TMEM272: variants seen among roughly 807,000 people sequenced by gnomAD.
TMEM272 encodes long intergenic non-protein coding RNA 282.
In TMEM272, 8 loss-of-function variants were observed where a neutral mutation model predicts 3.7. That is an observed-to-expected ratio of 2.17 (90% CI 1.27 to 3.91). The LOEUF is 3.91. TMEM272 is among the 30% of genes most tolerant of loss of function. The pLI is 0.00. For synonymous variants in TMEM272, 63 were observed against 39.8 expected (o/e 1.58, Z -2.20); for missense variants, 166 against 91.5 (o/e 1.81, Z -3.32).
At chr13:51,883,548 G>A in the TMEM272 span, among the ~76,000 whole-genome samples, 2 of 152,222 alleles carry the variant, frequency 1.3e-5, no homozygotes, top group South Asian at 4.1e-4. Context: ...AGTGCATGCT[G>A]ATTGGTCCAT....
the TMEM272 span, among the ~76,000 whole-genome samples, chr13:51,883,865 T>C: frequency 6.6e-6 from 1 of 152,266 alleles, no homozygotes; most frequent in East Asian, 1.9e-4. Context: ...TCCATCCATG[T>C]AAAGCTCTGC....
At chr13:51,830,318 C>G (rs1309615319) in intron 2 of TMEM272, among the ~76,000 whole-genome samples, 1 of 152,192 alleles carries the variant, frequency 6.6e-6, no homozygotes, top group Non-Finnish European at 1.5e-5. Flanking sequence ...AGAGAGATGG[C>G]CAGGGCCAGA....
At chr13:51,918,678 C>A in the TMEM272 span, among the ~76,000 whole-genome samples, 1 of 152,040 alleles carries the variant, frequency 6.6e-6, no homozygotes, top group Admixed American at 6.6e-5. Context: ...CAGGCTGGAG[C>A]ACAGTGGTGC....
At chr13:51,833,978 GC>G (rs1211530678) in intron 2 of TMEM272, among the ~76,000 whole-genome samples, 3 of 152,110 alleles carry the variant, frequency 2.0e-5, no homozygotes, top group African/African-American at 7.2e-5. Context: ...TGGGTTGGTG[GC>G]CCCTTCCCTG....
chr13:51,901,115 T>C, the TMEM272 span, among the ~76,000 whole-genome samples: 1 of 152,212 alleles, frequency 6.6e-6, no homozygotes, highest in East Asian at 1.9e-4. Flanking sequence ...ATGACGTGAA[T>C]TATATCTCAA....
At chr13:51,929,900 C>T in the TMEM272 span, among the ~76,000 whole-genome samples, 19 of 152,280 alleles carry the variant, frequency 1.2e-4, no homozygotes, top group African/African-American at 4.1e-4. Flanking sequence ...TGAGCATTGT[C>T]TGTCCCCTGA....
upstream of TMEM272, among the ~76,000 whole-genome samples, chr13:51,846,119 C>T (rs909632606): frequency 4.6e-5 from 7 of 152,162 alleles, no homozygotes; most frequent in African/African-American, 1.2e-4. Flanking sequence ...GGGCACCTCT[C>T]CGGGCTCACT....
the TMEM272 span, among the ~76,000 whole-genome samples, chr13:51,888,749 G>A: frequency 2.9e-5 from 4 of 136,348 alleles, no homozygotes; most frequent in African/African-American, 1.1e-4. Context: ...AGGTTCAAGC[G>A]ATTCTCCTGC....
chr13:51,864,081 CCCTTCCTTCCCTCCCTT>C, the TMEM272 span, among the ~76,000 whole-genome samples: 2 of 150,118 alleles, frequency 1.3e-5, no homozygotes, highest in East Asian at 2.0e-4. Flanking sequence ...TTCCCTCCCT[CCCTTCCTTCCCTCCCTT>C]CCTTCCTTCC....
the TMEM272 span, among the ~76,000 whole-genome samples, chr13:51,883,878 C>A: frequency 6.6e-6 from 1 of 152,242 alleles, no homozygotes; most frequent in South Asian, 2.1e-4. Context: ...AGCTCTGCTT[C>A]CCTTGATACA....
At chr13:51,888,639 C>CTTTTTTTTTTTT in the TMEM272 span, among the ~76,000 whole-genome samples, 40 of 76,726 alleles carry the variant, frequency 5.2e-4, no homozygotes, top group Middle Eastern at 9.4e-3. Flanking sequence ...TTTTCTTTTT[C>CTTTTTTTTTTTT]TTTTTTTTTT....
At chr13:51,867,884 C>T in the TMEM272 span, among the ~76,000 whole-genome samples, 1 of 152,180 alleles carries the variant, frequency 6.6e-6, no homozygotes, top group Non-Finnish European at 1.5e-5. Context: ...ATGGTATTCA[C>T]ACTGCAGGAA....
At chr13:51,903,972 T>TGTGTGTGTG in the TMEM272 span, among the ~76,000 whole-genome samples, 3 of 151,432 alleles carry the variant, frequency 2.0e-5, no homozygotes, top group Non-Finnish European at 4.4e-5. Flanking sequence ...TGTGTGTGTG[T>TGTGTGTGTG]TTAGAAAGAA....
At chr13:51,881,390 GAAGA>G in the TMEM272 span, among the ~76,000 whole-genome samples, 1 of 152,046 alleles carries the variant, frequency 6.6e-6, no homozygotes, top group Non-Finnish European at 1.5e-5. Context: ...AATGAGAAAT[GAAGA>G]AAGGACTAGA....
At chr13:51,874,805 C>T in the TMEM272 span, among the ~76,000 whole-genome samples, 2 of 152,194 alleles carry the variant, frequency 1.3e-5, no homozygotes, top group East Asian at 3.8e-4. Flanking sequence ...CAGCCAGAAG[C>T]GCTGGTTTTG....
chr13:51,836,325 T>C (rs145658786), intron 2 of TMEM272, among the ~76,000 whole-genome samples: 6 of 152,250 alleles, frequency 3.9e-5, no homozygotes, highest in African/African-American at 1.4e-4. Context: ...AACAAGTTTC[T>C]GTTTGTTATA....
At chr13:51,817,231 G>A (rs1352858084) in intron 4 of TMEM272, 118 bp from the exon 5 acceptor site, 4 of 599,028 alleles carry the variant, frequency 6.7e-6, no homozygotes, top group Admixed American at 2.9e-5. Flanking sequence ...GGAGAGAGAG[G>A]AAGGTGTTAT....
intron 1 of TMEM272, among the ~76,000 whole-genome samples, chr13:51,842,081 T>C (rs9596592): frequency 0.013 from 1,951 of 152,322 alleles, 43 homozygotes; most frequent in African/African-American, 0.045. Context: ...TGTAATAATG[T>C]CTGTAGATCT....
At chr13:51,908,437 G>A in the TMEM272 span, 3 of 1,509,808 alleles carry the variant, frequency 2.0e-6, no homozygotes, top group Admixed American at 3.4e-5. Context: ...AAATAATCTG[G>A]AGAAGCTCCA....
Sources: gnomAD v4.1 joint callset for allele counts (sites outside exome capture counted in the v4.1 genomes callset) on GRCh38, gnomAD v4.1.1 for gene constraint, MANE v1.5 for transcripts, NCBI Gene and HGNC (gene_info 2026-07-23, HGNC 2026-07-21) for gene names.